LRTM3: variants seen among roughly 807,000 people sequenced by gnomAD.
LRTM3 encodes the protein leucine-rich repeat transmembrane protein 3.
At chr13:102,736,109 C>A in the LRTM3 span, 3 of 1,540,988 alleles carry the variant, frequency 1.9e-6, no homozygotes, top group African/African-American at 1.4e-5. Context: ...TGAGCTAATA[C>A]CTTCATTTGA....
At chr13:102,747,268 A>G in the LRTM3 span, 3 of 1,549,192 alleles carry the variant, frequency 1.9e-6, no homozygotes, top group South Asian at 3.6e-5. Context: ...TAGACATGGG[A>G]GGGTAAATAA....
At chr13:102,730,450 G>C in the LRTM3 span, 1 of 1,551,014 alleles carries the variant, frequency 6.4e-7, no homozygotes, top group Non-Finnish European at 8.7e-7. Context: ...CATTTCTCTG[G>C]GTCCTTAAAT....
At chr13:102,741,892 T>G in the LRTM3 span, 3 of 1,550,386 alleles carry the variant, frequency 1.9e-6, no homozygotes, top group South Asian at 2.4e-5. Context: ...TCCTTAACGG[T>G]CCAATATAGT....
the LRTM3 span, chr13:102,748,752 C>T: frequency 8.4e-6 from 13 of 1,549,884 alleles, no homozygotes; most frequent in East Asian, 3.2e-4. Flanking sequence ...TTACTCTTCC[C>T]ATTTGTTTCT....
At chr13:102,731,647 G>T in the LRTM3 span, 1 of 1,551,468 alleles carries the variant, frequency 6.4e-7, no homozygotes, top group South Asian at 1.2e-5. Flanking sequence ...GGGACTCAGA[G>T]ATAGCTTTGG....
chr13:102,751,515 T>C, the LRTM3 span, among the ~76,000 whole-genome samples: 3 of 152,114 alleles, frequency 2.0e-5, no homozygotes, highest in South Asian at 4.1e-4. Flanking sequence ...GGTCAAAAAA[T>C]CTGAGCTTTA....
chr13:102,731,745 G>A, the LRTM3 span: 1 of 1,551,294 alleles, frequency 6.4e-7, no homozygotes. Context: ...GGCGGTATGG[G>A]CACAGTTCCT....
At chr13:102,737,737 A>C in the LRTM3 span, 29 of 1,550,518 alleles carry the variant, frequency 1.9e-5, no homozygotes, top group Non-Finnish European at 2.2e-5. Context: ...TATCACCCTC[A>C]CTGGGCACCC....
the LRTM3 span, chr13:102,732,243 T>G: frequency 5.8e-5 from 90 of 1,551,244 alleles, no homozygotes; most frequent in African/African-American, 1.2e-3. Flanking sequence ...GGTGAACGCA[T>G]GATGGAAATA....
chr13:102,747,002 GT>G, the LRTM3 span: 1 of 1,551,060 alleles, frequency 6.4e-7, no homozygotes, highest in East Asian at 2.4e-5. Flanking sequence ...TTCTTTCTCT[GT>G]TTTAATCTCC....
the LRTM3 span, chr13:102,733,642 C>A: frequency 1.3e-6 from 2 of 1,551,340 alleles, no homozygotes; most frequent in Non-Finnish European, 1.7e-6. Context: ...ATTTTACAGG[C>A]TGAGCCTTTT....
the LRTM3 span, chr13:102,735,586 T>C: frequency 1.3e-6 from 2 of 1,551,032 alleles, no homozygotes; most frequent in East Asian, 2.4e-5. Context: ...CTGAGAGTAG[T>C]AATTGCTTTG....
the LRTM3 span, chr13:102,738,614 CTGTT>C: frequency 1.3e-6 from 2 of 1,550,038 alleles, no homozygotes; most frequent in African/African-American, 2.7e-5. Context: ...CTTTTTTACA[CTGTT>C]TGAGATATTA....
chr13:102,746,854 C>T, the LRTM3 span: 124 of 1,551,232 alleles, frequency 8.0e-5, no homozygotes, highest in African/African-American at 3.1e-4. Flanking sequence ...TTGGAGAAGG[C>T]GTCTCTGAAT....
chr13:102,740,582 A>G, the LRTM3 span: 2 of 1,549,070 alleles, frequency 1.3e-6, no homozygotes, highest in Non-Finnish European at 1.7e-6. Flanking sequence ...ATATCCAACT[A>G]TGACATCCAT....
chr13:102,748,404 A>G, the LRTM3 span: 6 of 1,551,062 alleles, frequency 3.9e-6, no homozygotes, highest in Middle Eastern at 1.7e-4. Context: ...CCGACATTTG[A>G]CAACTCCAGA....
At chr13:102,738,870 G>A in the LRTM3 span, 8 of 1,550,416 alleles carry the variant, frequency 5.2e-6, no homozygotes, top group Admixed American at 2.0e-5. Flanking sequence ...AATATTGAAG[G>A]CTGCTTCACC....
the LRTM3 span, chr13:102,739,686 T>C: frequency 6.5e-6 from 10 of 1,550,178 alleles, no homozygotes; most frequent in Non-Finnish European, 8.7e-6. Context: ...ATTCTTTTCA[T>C]ATCCATTGCT....
chr13:102,755,134 G>A, the LRTM3 span, among the ~76,000 whole-genome samples: 1 of 152,138 alleles, frequency 6.6e-6, no homozygotes, highest in Non-Finnish European at 1.5e-5. Flanking sequence ...CAGATACTGA[G>A]TGGTGGTCTC....
Sources: gnomAD v4.1 joint callset for allele counts (sites outside exome capture counted in the v4.1 genomes callset) on GRCh38, gnomAD v4.1.1 for gene constraint, MANE v1.5 for transcripts, NCBI Gene and HGNC (gene_info 2026-07-23, HGNC 2026-07-21) for gene names.